CMTM8: variants seen among roughly 807,000 people sequenced by gnomAD.
The protein encoded by CMTM8 is CKLF like MARVEL transmembrane domain containing 8.
A neutral mutation model predicts 18.6 loss-of-function variants in CMTM8; 12 were observed. The observed-to-expected ratio is 0.65, with a 90% confidence interval of 0.41 to 1.05. CMTM8 has a LOEUF of 1.05. CMTM8 is among the 50% of genes least tolerant of loss of function. CMTM8 has a pLI of 0.00. For synonymous variants in CMTM8, 87 were observed against 90.6 expected (o/e 0.96, Z 0.23); for missense variants, 217 against 227.2 (o/e 0.95, Z 0.29).
intron 1 of CMTM8, among the ~76,000 whole-genome samples, chr3:32,260,668 G>GTTTT (rs33991032): frequency 6.6e-5 from 9 of 136,456 alleles, no homozygotes; most frequent in African/African-American, 2.2e-4. Context: ...TTTTTTTAAA[G>GTTTT]TTTTTTTTTT....
At chr3:32,361,286 G>GTTTTTTTTTTGTTTTTTGT (rs58364646) in intron 2 of CMTM8, among the ~76,000 whole-genome samples, 4 of 87,266 alleles carry the variant, frequency 4.6e-5, no homozygotes, top group South Asian at 4.6e-4. Flanking sequence ...CAGCCTAAGA[G>GTTTTTTTTTTGTTTTTTGT]TTTTTTTTTC....
At chr3:32,251,115 A>G (rs1002465757) in intron 1 of CMTM8, among the ~76,000 whole-genome samples, 1 of 152,190 alleles carries the variant, frequency 6.6e-6, no homozygotes, top group African/African-American at 2.4e-5. Context: ...ATATTTGCCA[A>G]CTTGTTTGGG....
intron 1 of CMTM8, among the ~76,000 whole-genome samples, chr3:32,313,308 T>C (rs1047081887): frequency 4.6e-5 from 7 of 152,102 alleles, no homozygotes; most frequent in African/African-American, 9.7e-5. Flanking sequence ...GGGTGGGGCC[T>C]TGGAAATTTC....
intron 1 of CMTM8, among the ~76,000 whole-genome samples, chr3:32,256,721 C>A (rs964383740): frequency 1.3e-5 from 2 of 152,200 alleles, no homozygotes; most frequent in Admixed American, 6.5e-5. Flanking sequence ...CTGGTGGGAT[C>A]TCTCCCTGCC....
At chr3:32,362,084 A>G (rs1250213451) in intron 2 of CMTM8, among the ~76,000 whole-genome samples, 1 of 83,046 alleles carries the variant, frequency 1.2e-5, no homozygotes, top group Non-Finnish European at 2.4e-5. Context: ...TTTATTGCCC[A>G]GGCTGGAGTA....
At chr3:32,298,847 G>A (rs111325252) in intron 1 of CMTM8, among the ~76,000 whole-genome samples, 16,660 of 114,172 alleles carry the variant, frequency 0.15, 1,283 homozygotes, top group East Asian at 0.47. Flanking sequence ...ATGTGTGTGT[G>A]TATATACACA....
chr3:32,242,137 T>TG (rs1701951203), intron 1 of CMTM8, among the ~76,000 whole-genome samples: 1 of 152,176 alleles, frequency 6.6e-6, no homozygotes, highest in African/African-American at 2.4e-5. Context: ...TTGCTCCCAC[T>TG]GGGGGGACAC....
chr3:32,251,630 A>G (rs1055055866), intron 1 of CMTM8, among the ~76,000 whole-genome samples: 3 of 151,916 alleles, frequency 2.0e-5, no homozygotes, highest in Non-Finnish European at 4.4e-5. Flanking sequence ...GTTACTTTTT[A>G]TTATTATTCA....
chr3:32,331,903 T>C (rs193066905), intron 1 of CMTM8, among the ~76,000 whole-genome samples: 110 of 152,286 alleles, frequency 7.2e-4, no homozygotes, highest in African/African-American at 2.5e-3. Flanking sequence ...GGAGTTCCTA[T>C]TCAGTGCATC....
chr3:32,327,292 A>G (rs1696181421), intron 1 of CMTM8, among the ~76,000 whole-genome samples: 1 of 152,226 alleles, frequency 6.6e-6, no homozygotes, highest in African/African-American at 2.4e-5. Flanking sequence ...ATTTACAGCA[A>G]CTTGATAACA....
At chr3:32,293,778 G>A (rs1190431933) in intron 1 of CMTM8, among the ~76,000 whole-genome samples, 1 of 152,218 alleles carries the variant, frequency 6.6e-6, no homozygotes, top group African/African-American at 2.4e-5. Flanking sequence ...CCAGGAGGTA[G>A]AGGTTGCTGT....
intron 1 of CMTM8, among the ~76,000 whole-genome samples, chr3:32,297,180 T>A (rs1041671401): frequency 1.3e-4 from 20 of 152,202 alleles, no homozygotes; most frequent in African/African-American, 4.1e-4. Flanking sequence ...TTTATTTTTT[T>A]AATTTATTTA....
At chr3:32,298,438 C>CTTT (rs75095552) in intron 1 of CMTM8, among the ~76,000 whole-genome samples, 2 of 139,086 alleles carry the variant, frequency 1.4e-5, no homozygotes, top group Admixed American at 7.2e-5. Flanking sequence ...ACATACCCCC[C>CTTT]TTTTTTTTTT....
At chr3:32,303,696 A>G (rs1469887737) in intron 1 of CMTM8, among the ~76,000 whole-genome samples, 1 of 151,750 alleles carries the variant, frequency 6.6e-6, no homozygotes, top group Non-Finnish European at 1.5e-5. Flanking sequence ...TCCTTCGCTT[A>G]AATTTTGTAG....
At chr3:32,361,289 T>TTTTTTTTTTGTTTTTTTTTTG (rs200857947) in intron 2 of CMTM8, among the ~76,000 whole-genome samples, 2 of 143,746 alleles carry the variant, frequency 1.4e-5, no homozygotes, top group African/African-American at 5.2e-5. Flanking sequence ...CCTAAGAGTT[T>TTTTTTTTTTGTTTTTTTTTTG]TTTTTTCTTT....
chr3:32,314,996 G>C (rs1695892769), intron 1 of CMTM8, among the ~76,000 whole-genome samples: 1 of 152,050 alleles, frequency 6.6e-6, no homozygotes. Context: ...AGTTGTCCCT[G>C]TTTCCCTGTT....
intron 1 of CMTM8, among the ~76,000 whole-genome samples, chr3:32,265,355 T>A (rs1247106197): frequency 6.6e-6 from 1 of 152,166 alleles, no homozygotes; most frequent in Admixed American, 6.6e-5. Context: ...GAATGACTAC[T>A]GGGTACATAA....
intron 1 of CMTM8, among the ~76,000 whole-genome samples, chr3:32,287,459 A>T (rs1056797798): frequency 2.0e-5 from 3 of 152,242 alleles, no homozygotes; most frequent in Non-Finnish European, 4.4e-5. Context: ...TCAGCTGTTA[A>T]TACCATTAAA....
chr3:32,261,690 C>T (rs1702261068), intron 1 of CMTM8, among the ~76,000 whole-genome samples: 1 of 152,130 alleles, frequency 6.6e-6, no homozygotes, highest in Non-Finnish European at 1.5e-5. Context: ...TGGGGAATCC[C>T]TCCTTTCTTT....
Sources: allele counts gnomAD v4.1 joint callset (sites outside exome capture counted in the v4.1 genomes callset), GRCh38; gene constraint gnomAD v4.1.1; transcripts MANE v1.5; gene names NCBI Gene and HGNC (gene_info 2026-07-23, HGNC 2026-07-21).